Variants in NRXN3 observed in about 807,000 individuals in gnomAD.
NRXN3 encodes neurexin III.
In NRXN3, 32 loss-of-function variants were observed where a neutral mutation model predicts 137.6. The observed-to-expected ratio is 0.23, with a 90% CI of 0.18 to 0.31. NRXN3 has a LOEUF of 0.31. Among genes scored for constraint, NRXN3 ranks in the 10% least tolerant of loss-of-function variants. The pLI, the probability that NRXN3 is intolerant of heterozygous loss-of-function variation, is 1.00. For synonymous variants in NRXN3, 798 were observed against 784.5 expected (o/e 1.02, Z -0.29); for missense variants, 1,574 against 2,062.5 (o/e 0.76, Z 4.59).
At chr14:79,519,053 G>A (rs944238829) in intron 16 of NRXN3, among the ~76,000 whole-genome samples, 1 of 151,986 alleles carries the variant, frequency 6.6e-6, no homozygotes, top group Non-Finnish European at 1.5e-5. Flanking sequence ...TCTGGGCCTC[G>A]TGCTTTCTTT....
chr14:79,464,716 T>A (rs2096399234), intron 15 of NRXN3, among the ~76,000 whole-genome samples: 1 of 152,068 alleles, frequency 6.6e-6, no homozygotes, highest in African/African-American at 2.4e-5. Flanking sequence ...ATTGATACAG[T>A]TTATTGTGTA....
At chr14:78,781,352 C>T (rs1201585433) in intron 8 of NRXN3, among the ~76,000 whole-genome samples, 2 of 151,974 alleles carry the variant, frequency 1.3e-5, no homozygotes, top group Admixed American at 6.6e-5. Flanking sequence ...TTTATTTCTT[C>T]AAAAAGAATC....
At chr14:78,588,148 C>T (rs891246450) in intron 4 of NRXN3, among the ~76,000 whole-genome samples, 1 of 152,036 alleles carries the variant, frequency 6.6e-6, no homozygotes, top group Non-Finnish European at 1.5e-5. Flanking sequence ...ATCATAAAGT[C>T]TGGATTCTTG....
chr14:79,646,572 G>T (rs554981994), intron 16 of NRXN3, among the ~76,000 whole-genome samples: 10 of 135,110 alleles, frequency 7.4e-5, no homozygotes, highest in African/African-American at 2.5e-4. Context: ...ACCATAAAGT[G>T]AACATTTTGA....
intron 10 of NRXN3, among the ~76,000 whole-genome samples, chr14:78,923,360 G>T (rs1173171406): frequency 6.6e-6 from 1 of 152,186 alleles, no homozygotes; most frequent in African/African-American, 2.4e-5. Flanking sequence ...TTGAAGGTTT[G>T]AGTATGTTCG....
At chr14:78,822,281 C>T (rs1278608563) in intron 10 of NRXN3, among the ~76,000 whole-genome samples, 3 of 152,144 alleles carry the variant, frequency 2.0e-5, no homozygotes, top group Non-Finnish European at 4.4e-5. Flanking sequence ...TGAGTGATTT[C>T]TGCCATTATG....
chr14:79,466,926 G>A (rs2096434322), intron 15 of NRXN3, among the ~76,000 whole-genome samples: 1 of 152,164 alleles, frequency 6.6e-6, no homozygotes, highest in Non-Finnish European at 1.5e-5. Flanking sequence ...ATGTACCCAG[G>A]CTCCCAGACT....
At chr14:78,561,044 C>T (rs2096781867) in intron 4 of NRXN3, among the ~76,000 whole-genome samples, 1 of 152,164 alleles carries the variant, frequency 6.6e-6, no homozygotes, top group African/African-American at 2.4e-5. Context: ...AACAGCATAG[C>T]TTTACTTCTT....
At chr14:79,786,099 G>A (rs1304792921) in intron 19 of NRXN3, among the ~76,000 whole-genome samples, 1 of 152,106 alleles carries the variant, frequency 6.6e-6, no homozygotes, top group African/African-American at 2.4e-5. Flanking sequence ...CTTCTGCACT[G>A]ATAATTAAAT....
rs994714026 is a variant in NRXN3, at chr14:79,504,655, G to GTATATATATATATATATATATATA, written c.3444+37273_3444+37274insTATATATATATATATATATATATA. On this transcript the variant is annotated intron_variant, in intron 16 of 20. Transcript: ENST00000335750. ...AATGAAGTTTTTTATATATATATAT[G>GTATATATATATATATATATATATA]TATATATATATATATATATAAAACA... 3.7e-4 allele frequency among the ~76,000 whole-genome samples: 39 copies of GTATATATATATATATATATATATA among 104,214 alleles called. 1 individual carries two copies. The highest frequency in any genetic ancestry group is 1.3e-3 in the African/African-American group (37 of 29,184). 68.4% of individuals were successfully genotyped at this position (104,214 alleles called of 152,430 possible).
intron 10 of NRXN3, among the ~76,000 whole-genome samples, chr14:78,950,484 G>C (rs1253847225): frequency 2.6e-5 from 4 of 152,184 alleles, no homozygotes; most frequent in Non-Finnish European, 5.9e-5. Context: ...ACAATTTAGA[G>C]ATGCTATTGA....
chr14:79,763,766 G>A (rs1214858747), intron 19 of NRXN3, among the ~76,000 whole-genome samples: 1 of 151,274 alleles, frequency 6.6e-6, no homozygotes, highest in Non-Finnish European at 1.5e-5. Context: ...CACTTATGAG[G>A]TCTCTGCCAT....
intron 15 of NRXN3, among the ~76,000 whole-genome samples, chr14:79,400,091 A>T (rs546750526): frequency 6.6e-6 from 1 of 152,222 alleles, no homozygotes; most frequent in Non-Finnish European, 1.5e-5. Flanking sequence ...CCCTAATCCA[A>T]TATGACCTCA....
At chr14:78,617,837 ATCTG>A (rs1383367074) in intron 4 of NRXN3, among the ~76,000 whole-genome samples, 1 of 151,438 alleles carries the variant, frequency 6.6e-6, no homozygotes, top group East Asian at 1.9e-4. Flanking sequence ...TTATATCTAT[ATCTG>A]TCTATCTATC....
chr14:78,231,975 T>C (rs1427329965), intron 1 of NRXN3, among the ~76,000 whole-genome samples: 1 of 152,256 alleles, frequency 6.6e-6, no homozygotes, highest in Non-Finnish European at 1.5e-5. Flanking sequence ...CTAGGGGCTG[T>C]GTGTCATCTG....
intron 7 of NRXN3, among the ~76,000 whole-genome samples, chr14:78,712,565 A>G (rs2098414339): frequency 6.6e-6 from 1 of 152,106 alleles, no homozygotes; most frequent in Non-Finnish European, 1.5e-5. Context: ...TAGTTAATTA[A>G]TTAATTAAAT....
At chr14:78,468,221 A>C (rs527447914) in intron 4 of NRXN3, among the ~76,000 whole-genome samples, 68 of 152,260 alleles carry the variant, frequency 4.5e-4, no homozygotes, top group Middle Eastern at 3.4e-3. Flanking sequence ...GTCATAAAGC[A>C]CCCCAAAATT....
At chr14:79,701,410 C>T (rs2098754089) in intron 19 of NRXN3, among the ~76,000 whole-genome samples, 1 of 152,092 alleles carries the variant, frequency 6.6e-6, no homozygotes, top group Non-Finnish European at 1.5e-5. Context: ...ATTGTGTTCA[C>T]TCAGTGGCTG....
At chr14:79,558,817 T>C (rs1199376896) in intron 16 of NRXN3, among the ~76,000 whole-genome samples, 1 of 152,162 alleles carries the variant, frequency 6.6e-6, no homozygotes, top group East Asian at 1.9e-4. Context: ...AAGACTGTTT[T>C]GTCTGCATTG....
Sources: allele counts gnomAD v4.1 joint callset (sites outside exome capture counted in the v4.1 genomes callset), GRCh38; gene constraint gnomAD v4.1.1; transcripts MANE v1.5; gene names NCBI Gene and HGNC (gene_info 2026-07-23, HGNC 2026-07-21).